The following RHOBTB3 variants were observed in gnomAD, a reference collection of about 807,000 sequenced individuals.
The protein encoded by RHOBTB3 is Rho related BTB domain containing 3, also known as rho-related BTB domain-containing protein 3.
Under a neutral mutation model 67.2 loss-of-function variants are expected in RHOBTB3, and 47 were observed. The ratio of observed to expected loss-of-function variants is 0.70; its 90% CI spans 0.55 to 0.89. RHOBTB3 has a LOEUF of 0.89. Ranked by LOEUF, RHOBTB3 falls within the 40% of genes least tolerant of loss-of-function variation. The pLI, the probability that RHOBTB3 is intolerant of heterozygous loss-of-function variation, is 0.00. For missense variants in RHOBTB3, 631 were observed against 750.0 expected, an observed-to-expected ratio of 0.84 and a Z score of 1.85; for synonymous variants, 273 against 274.2, an observed-to-expected ratio of 1.00 and a Z score of 0.04.
At chr5:95,732,170 G>T in intron 2 of RHOBTB3, 86 bp downstream of exon 2, 1 of 1,214,144 alleles carries the variant, frequency 8.2e-7, no homozygotes, top group Non-Finnish European at 1.2e-6. Context: ...CCACTTCCGT[G>T]AGTGTGGAGT....
rs191637319 is a variant in RHOBTB3, at chr5:95,753,833, G to C, written c.682+1483G>C. On this transcript the variant is annotated intron_variant, in intron 5 of 11. Transcript: ENST00000379982. Reference sequence around the variant, plus strand: ...GCTTTAAAAGAAATATCTTGGCCCAGGTATGGTGGCTCATGCCTATAATTC... The same window carrying C: ...GCTTTAAAAGAAATATCTTGGCCCACGTATGGTGGCTCATGCCTATAATTC... 7.9e-5 allele frequency among the ~76,000 whole-genome samples: 12 copies of C among 152,316 alleles called. No individual in the cohort carries two copies. The East Asian group carries it at 2.3e-3, about 29-fold the overall frequency.
intron 8 of RHOBTB3, among the ~76,000 whole-genome samples, chr5:95,771,753 G>A (rs538502578): frequency 6.6e-6 from 1 of 152,284 alleles, no homozygotes; most frequent in East Asian, 1.9e-4. Context: ...TCTCTCATTA[G>A]CTTCTAGGAG....
chr5:95,788,696 C>G, intron 10 of RHOBTB3, 66 bp from the exon 11 acceptor site: 1 of 1,073,248 alleles, frequency 9.3e-7, no homozygotes, highest in Non-Finnish European at 1.4e-6. Flanking sequence ...CCAGGCCGTT[C>G]TCTTGATCTT....
Position 95,777,139 on chromosome 5 carries a change from C to T in RHOBTB3, c.1283-3113C>T, listed in dbSNP as rs752162792. The stretch of plus-strand genomic sequence containing the variant: ...GTCTTGGTAAATATTTAGAGAGGTA[C>T]GGATGTCCTTTTGATATGAGTCTGT... On this transcript the variant is annotated intron_variant, in intron 8 of 11. Coordinates refer to ENST00000379982, the MANE Select transcript of RHOBTB3 (RefSeq NM_014899.4). Among the ~76,000 whole-genome samples the T allele has an allele frequency of 8.5e-5, 13 of 152,130 alleles. 1 individual carries two copies. Among genetic ancestry groups the T allele is most frequent in the East Asian group, 1.9e-4 (1 of 5,196 alleles).
rs554648881 is a variant in RHOBTB3 at position 95,775,182 on chromosome 5, A to T, written c.1283-5070A>T. On this transcript the variant is annotated intron_variant, in intron 8 of 11. Coordinates refer to ENST00000379982, the MANE Select transcript of RHOBTB3 (RefSeq NM_014899.4). ...CATTCTCTCATGTATCCTATTTTAC[A>T]TTCTTGTCATTATCTGAAAACTTAT... 2.6e-5 allele frequency among the ~76,000 whole-genome samples: 4 copies of T among 152,180 alleles called. No individual in the cohort carries two copies. The South Asian group carries it at 8.3e-4, about 32-fold the overall frequency.
chr5:95,755,371 AT>A, intron 5 of RHOBTB3, 24 bp from the exon 6 acceptor site: 2 of 1,467,270 alleles, frequency 1.4e-6, no homozygotes, highest in African/African-American at 1.4e-5. Context: ...GGAGTTTATT[AT>A]TTTTATTTTC....
chr5:95,792,535 G>A (rs1387515983), intron 11 of RHOBTB3, among the ~76,000 whole-genome samples: 1 of 152,046 alleles, frequency 6.6e-6, no homozygotes, highest in African/African-American at 2.4e-5. Flanking sequence ...GCTCATGCCT[G>A]TAATCCTAGC....
intron 2 of RHOBTB3, among the ~76,000 whole-genome samples, chr5:95,736,071 C>T (rs1212277195): frequency 6.6e-6 from 1 of 152,160 alleles, no homozygotes; most frequent in Non-Finnish European, 1.5e-5. Flanking sequence ...CACTGGACTC[C>T]ATGCTGGTCG....
At chr5:95,756,150 G>GATTTTTTTA in intron 6 of RHOBTB3, 1 of 162,032 alleles carries the variant, frequency 6.2e-6, no homozygotes, top group Non-Finnish European at 1.3e-5. Flanking sequence ...CCCATTAAAC[G>GATTTTTTTA]ATGATTCCCC....
chr5:95,742,274 G>A (rs536092362), intron 3 of RHOBTB3, among the ~76,000 whole-genome samples: 1 of 152,162 alleles, frequency 6.6e-6, no homozygotes, highest in South Asian at 2.1e-4. Context: ...TTTCAATCTG[G>A]TATTCGTATC....
intron 2 of RHOBTB3, 113 bp from the exon 3 acceptor site, chr5:95,736,776 G>C: frequency 1.5e-6 from 1 of 673,028 alleles, no homozygotes; most frequent in South Asian, 2.4e-5. Flanking sequence ...ATTTCAAGTA[G>C]TTACTTATTT....
At chr5:95,758,991 G>T (rs770992038) in intron 6 of RHOBTB3, among the ~76,000 whole-genome samples, 27 of 152,334 alleles carry the variant, frequency 1.8e-4, no homozygotes, top group Middle Eastern at 6.8e-3. Context: ...GAGCTGTAAG[G>T]CTGACTGATG....
At position 95,719,453 on chromosome 5, in the gene RHOBTB3, A is replaced by C. The variant is rs571034089; in HGVS notation, n.133+1688A>C. Among the ~76,000 whole-genome samples, 33 of 152,318 alleles carry C rather than the reference A, an allele frequency of 2.2e-4. 1 individual carries two copies. Among genetic ancestry groups the C allele is most frequent in the African/African-American group, 5.8e-4 (24 of 41,566 alleles). ...AGTTACAGCTGGGCCTGTAATAAGGATATCAGGGAATGGGGCAAGTTAGGT... is the reference window on the plus strand; with the variant it reads ...AGTTACAGCTGGGCCTGTAATAAGGCTATCAGGGAATGGGGCAAGTTAGGT... On this transcript the variant is annotated intron_variant and non_coding_transcript_variant, in intron 1 of 5. Coordinates refer to the RHOBTB3 transcript ENST00000504949.
At chr5:95,789,783 A>T (rs1746323052) in intron 11 of RHOBTB3, 1 of 152,204 alleles carries the variant, frequency 6.6e-6, no homozygotes, top group South Asian at 2.1e-4. Flanking sequence ...TAGTAGTTCC[A>T]CTTTATCTGT....
intron 11 of RHOBTB3, among the ~76,000 whole-genome samples, chr5:95,790,432 G>A (rs1358071241): frequency 6.6e-6 from 1 of 152,178 alleles, no homozygotes; most frequent in East Asian, 1.9e-4. Flanking sequence ...TTACTATCTT[G>A]TATAGATATA....
At position 95,743,812 on chromosome 5, in the gene RHOBTB3, G is replaced by C. The variant is rs141810042; in HGVS notation, c.416-4521G>C. On this transcript the variant is annotated intron_variant, in intron 3 of 11. Coordinates refer to ENST00000379982, the MANE Select transcript of RHOBTB3 (RefSeq NM_014899.4). The stretch of plus-strand genomic sequence containing the variant: ...GGCAACCTCCACCTCAGGTTCAAGT[G>C]ATTCTCCTGCCTCAGCCTCCTAAGT... Among the ~76,000 whole-genome samples, 330 of 148,274 alleles carry C rather than the reference G, an allele frequency of 2.2e-3. 1 individual carries two copies. The highest frequency in any genetic ancestry group is 7.7e-3 in the African/African-American group (312 of 40,368).
chr5:95,744,326 G>T (rs971302968), intron 3 of RHOBTB3, among the ~76,000 whole-genome samples: 1 of 152,054 alleles, frequency 6.6e-6, no homozygotes, highest in African/African-American at 2.4e-5. Flanking sequence ...GAAGCCTTCC[G>T]TAATCCCCCC....
upstream of RHOBTB3, chr5:95,731,238 G>C: frequency 9.9e-7 from 1 of 1,005,838 alleles, no homozygotes; most frequent in Non-Finnish European, 1.2e-6. Context: ...CGACCCCCGG[G>C]GCTGGCACGT....
At chr5:95,732,440 A>G (rs1294408013) in intron 2 of RHOBTB3, 1 of 502,738 alleles carries the variant, frequency 2.0e-6, no homozygotes, top group Non-Finnish European at 3.5e-6. Context: ...TGTCTACCCT[A>G]TGGGTGATAG....
Sources: allele counts gnomAD v4.1 joint callset (sites outside exome capture counted in the v4.1 genomes callset), GRCh38; gene constraint gnomAD v4.1.1; transcripts MANE v1.5; gene names NCBI Gene and HGNC (gene_info 2026-07-23, HGNC 2026-07-21).